The following MRTFA variants were observed in gnomAD, a reference collection of about 807,000 sequenced individuals.
The protein encoded by MRTFA is myocardin-related transcription factor A.
MRTFA carries 20 observed loss-of-function variants against 83.5 expected under a neutral mutation model. The observed-to-expected ratio is 0.24, with a 90% CI of 0.17 to 0.35. The LOEUF (loss-of-function observed/expected upper bound fraction) is 0.35, where lower values mean the gene tolerates loss of function less well. Among genes scored for constraint, MRTFA ranks in the 10% least tolerant of loss-of-function variants. MRTFA has a pLI of 1.00. For missense variants in MRTFA, 1,200 were observed against 1,224.7 expected, an observed-to-expected ratio of 0.98 and a Z score of 0.30; for synonymous variants, 659 against 541.2, an observed-to-expected ratio of 1.22 and a Z score of -3.02.
At chr22:40,632,532 T>C (rs2056653187) in intron 1 of MRTFA, among the ~76,000 whole-genome samples, 1 of 151,976 alleles carries the variant, frequency 6.6e-6, no homozygotes, top group Non-Finnish European at 1.5e-5. Flanking sequence ...GCCTCCCAGG[T>C]TCAAGTGATT....
At chr22:40,434,754 C>T (rs2053135747) in intron 5 of MRTFA, among the ~76,000 whole-genome samples, 1 of 151,978 alleles carries the variant, frequency 6.6e-6, no homozygotes, top group Non-Finnish European at 1.5e-5. Context: ...AGCCGTGGGT[C>T]TTAAGGAGAT....
chr22:40,513,794 C>T (rs1231759104), intron 3 of MRTFA, among the ~76,000 whole-genome samples: 2 of 151,932 alleles, frequency 1.3e-5, no homozygotes, highest in Non-Finnish European at 2.9e-5. Flanking sequence ...GTGCTAGCTC[C>T]TTAATAAGAG....
chr22:40,519,472 C>A, intron 3 of MRTFA: 1 of 1,341,002 alleles, frequency 7.5e-7, no homozygotes, highest in African/African-American at 1.5e-5. Flanking sequence ...ACCAGTGCTG[C>A]CCTCTCTTCT....
At chr22:40,429,177 T>C (rs2053016917) in intron 7 of MRTFA, among the ~76,000 whole-genome samples, 1 of 152,162 alleles carries the variant, frequency 6.6e-6, no homozygotes, top group Non-Finnish European at 1.5e-5. Flanking sequence ...TTTGGGTCCA[T>C]CAGTATTTGT....
chr22:40,471,276 G>A (rs545912822), intron 3 of MRTFA, among the ~76,000 whole-genome samples: 117 of 143,880 alleles, frequency 8.1e-4, no homozygotes, highest in African/African-American at 2.7e-3. Flanking sequence ...GGTGGCACGC[G>A]CCTGTAATCC....
intron 3 of MRTFA, chr22:40,519,685 A>T: frequency 9.2e-7 from 1 of 1,082,710 alleles, no homozygotes; most frequent in African/African-American, 1.6e-5. Flanking sequence ...ATGTTATAAC[A>T]ATCACACCCA....
At chr22:40,517,122 T>A (rs1258497739) in intron 3 of MRTFA, among the ~76,000 whole-genome samples, 1 of 152,162 alleles carries the variant, frequency 6.6e-6, no homozygotes, top group Non-Finnish European at 1.5e-5. Context: ...GCAGTCTCAC[T>A]ATGTTGCCCA....
At chr22:40,419,619 G>A (rs116509907) in intron 11 of MRTFA, among the ~76,000 whole-genome samples, 2,616 of 152,272 alleles carry the variant, frequency 0.017, 76 homozygotes, top group African/African-American at 0.059. Flanking sequence ...TGCAGGCAAC[G>A]GGGGCTGGTA....
chr22:40,430,486 CA>C (rs879586485), intron 6 of MRTFA, among the ~76,000 whole-genome samples: 132 of 145,204 alleles, frequency 9.1e-4, no homozygotes, highest in Non-Finnish European at 1.5e-3. Flanking sequence ...GACTCCATCT[CA>C]AAAAAAAAAG....
chr22:40,621,602 G>T (rs796405813), intron 1 of MRTFA, among the ~76,000 whole-genome samples: 150 of 152,262 alleles, frequency 9.9e-4, no homozygotes, highest in African/African-American at 3.4e-3. Context: ...CTTAAAAATG[G>T]TTACGATGGT....
chr22:40,579,139 A>G (rs1209834785), intron 2 of MRTFA, among the ~76,000 whole-genome samples: 1 of 152,108 alleles, frequency 6.6e-6, no homozygotes, highest in Non-Finnish European at 1.5e-5. Flanking sequence ...AAAGGAAACT[A>G]ATGTTAACAG....
rs538822147 is a variant in MRTFA, at chr22:40,477,910, A to AGCAG, written c.242-14628_242-14625dup. 9.9e-5 allele frequency among the ~76,000 whole-genome samples: 15 copies of AGCAG among 152,264 alleles called. No homozygotes were observed. The South Asian group carries it at 2.3e-3, about 23-fold the overall frequency. On this transcript the variant is annotated intron_variant, in intron 3 of 14. Coordinates refer to ENST00000355630, the MANE Select transcript of MRTFA (RefSeq NM_020831.6). ...CAGTTTAGGAACATGTAGTCAGTGA[A>AGCAG]GCAGGCTCTGGTAATTATAAAGAGC...
At chr22:40,546,404 CGGAAAAAGG>C in intron 3 of MRTFA, among the ~76,000 whole-genome samples, 1 of 152,050 alleles carries the variant, frequency 6.6e-6, no homozygotes, top group African/African-American at 2.4e-5. Context: ...TTTAAAAAGC[CGGAAAAAGG>C]TAAGTCGTAG....
intron 2 of MRTFA, among the ~76,000 whole-genome samples, chr22:40,571,921 C>CAAAAAA (rs557782525): frequency 1.6e-3 from 29 of 18,594 alleles, no homozygotes; most frequent in Non-Finnish European, 2.1e-3. Context: ...AAGACTCTGT[C>CAAAAAA]AAAAAAAAAA....
intron 3 of MRTFA, among the ~76,000 whole-genome samples, chr22:40,467,478 T>A (rs1047897193): frequency 1.3e-5 from 2 of 152,198 alleles, no homozygotes; most frequent in Admixed American, 1.3e-4. Context: ...CTAAACAAAA[T>A]GACTTTACAT....
chr22:40,414,733 T>C (rs1456861115), intron 14 of MRTFA, among the ~76,000 whole-genome samples: 2 of 152,176 alleles, frequency 1.3e-5, no homozygotes, highest in Non-Finnish European at 2.9e-5. Flanking sequence ...GGGGAGTTAC[T>C]GTCTAATGGG....
In MRTFA at chr22:40,410,577, C is replaced by CTGAT. The variant is rs374880506; in HGVS notation, c.*809_*812dup. 1,894 of 233,394 alleles carry CTGAT rather than the reference C, an allele frequency of 8.1e-3. 33 individuals carry two copies. The highest frequency in any genetic ancestry group is 0.045 in the Middle Eastern group (35 of 784). The allele number at this position is 233,394 out of a possible 1,614,324, so 14.5% of individuals were successfully genotyped here. ...AGGTAGCACCTCTGCCCTCATGGCA[C>CTGAT]TGATAAGGAGCCAGGAAGCAGGGCA... is the stretch of plus-strand genomic sequence containing the variant. On this transcript the variant is annotated 3_prime_UTR_variant, in exon 15 of 15. Coordinates refer to ENST00000355630, the MANE Select transcript of MRTFA (RefSeq NM_020831.6).
chr22:40,516,422 GAAAAAAAA>G (rs56745896), intron 3 of MRTFA, among the ~76,000 whole-genome samples: 319 of 47,020 alleles, frequency 6.8e-3, no homozygotes, highest in African/African-American at 0.023. Flanking sequence ...ACTGCCTCAA[GAAAAAAAA>G]AAAAAAAAAA....
chr22:40,433,052 G>A (rs2053100976), intron 5 of MRTFA: 1 of 152,280 alleles, frequency 6.6e-6, no homozygotes, highest in Admixed American at 6.5e-5. Flanking sequence ...CCCACCTGGA[G>A]AGAGCACAAA....
Sources: allele counts gnomAD v4.1 joint callset (sites outside exome capture counted in the v4.1 genomes callset), GRCh38; gene constraint gnomAD v4.1.1; transcripts MANE v1.5; gene names NCBI Gene and HGNC (gene_info 2026-07-23, HGNC 2026-07-21).